Variants in CHST9 observed in about 807,000 individuals in gnomAD.
The protein encoded by CHST9 is carbohydrate sulfotransferase 9, also known as GalNAc-4-sulfotransferase 2.
In CHST9, 41 loss-of-function variants were observed where a neutral mutation model predicts 44.4. That is an observed-to-expected ratio of 0.92 (90% CI 0.72 to 1.20). The LOEUF is 1.20. CHST9 is among the 50% of genes most tolerant of loss of function. The pLI is 0.00. For synonymous variants in CHST9, 171 were observed against 178.4 expected (o/e 0.96, Z 0.33); for missense variants, 504 against 516.5 (o/e 0.98, Z 0.23).
chr18:26,928,587 C>G (rs2055819511), intron 5 of CHST9, among the ~76,000 whole-genome samples: 1 of 152,114 alleles, frequency 6.6e-6, no homozygotes, highest in Non-Finnish European at 1.5e-5. Context: ...TTCCAGGAAA[C>G]ACTGGCAGGA....
chr18:27,184,399 G>A (rs997625403), intron 1 of CHST9, among the ~76,000 whole-genome samples: 6 of 152,276 alleles, frequency 3.9e-5, no homozygotes, highest in African/African-American at 1.4e-4. Flanking sequence ...CTGATAGGCA[G>A]GATGTTCAAA....
intron 4 of CHST9, among the ~76,000 whole-genome samples, chr18:26,970,959 A>G (rs192636193): frequency 6.6e-6 from 1 of 152,116 alleles, no homozygotes; most frequent in Non-Finnish European, 1.5e-5. Context: ...TCTCAGCTCT[A>G]TTTTTGCTTG....
At position 26,998,969 on chromosome 18, in the gene CHST9, A is replaced by G. The variant is rs11877628; in HGVS notation, c.202+25147T>C. 4.4e-3 allele frequency among the ~76,000 whole-genome samples: 667 copies of G among 152,254 alleles called. 5 individuals carry two copies. Among genetic ancestry groups the G allele is most frequent in the African/African-American group, 0.015 (629 of 41,554 alleles). The stretch of plus-strand genomic sequence containing the variant: ...GATGGGTTTTTCTCTGGGTAGCAGG[A>G]GGTTCCACAATTCCCCAGCCCCATT... On this transcript the variant is annotated intron_variant, in intron 4 of 5. Coordinates refer to ENST00000618847, the MANE Select transcript of CHST9 (RefSeq NM_031422.6).
At chr18:26,958,770 G>A (rs1402523995) in intron 4 of CHST9, among the ~76,000 whole-genome samples, 1 of 152,182 alleles carries the variant, frequency 6.6e-6, no homozygotes, top group Non-Finnish European at 1.5e-5. Flanking sequence ...ACCACAATGA[G>A]ATAGCATCTC....
At chr18:27,105,197 T>C (rs996872450) in intron 2 of CHST9, among the ~76,000 whole-genome samples, 6 of 152,114 alleles carry the variant, frequency 3.9e-5, no homozygotes, top group African/African-American at 1.4e-4. Context: ...GGCCTTTCAC[T>C]TTTCTTTACT....
intron 4 of CHST9, among the ~76,000 whole-genome samples, chr18:26,950,696 T>G (rs923676009): frequency 2.0e-5 from 3 of 152,038 alleles, no homozygotes; most frequent in African/African-American, 7.3e-5. Context: ...GTAGAAATGA[T>G]GTAATGGACT....
At chr18:26,927,456 T>C (rs1013986670) in intron 5 of CHST9, among the ~76,000 whole-genome samples, 20 of 152,232 alleles carry the variant, frequency 1.3e-4, no homozygotes, top group African/African-American at 4.1e-4. Flanking sequence ...TTATTATCTC[T>C]ACCATCTCTG....
intron 4 of CHST9, among the ~76,000 whole-genome samples, chr18:26,952,995 C>A (rs1039074187): frequency 1.3e-5 from 2 of 152,172 alleles, no homozygotes; most frequent in African/African-American, 4.8e-5. Flanking sequence ...CACTGCTATA[C>A]TCCCTTTTAA....
intron 4 of CHST9, among the ~76,000 whole-genome samples, chr18:27,021,990 CTGT>C (rs1285292258): frequency 1.6e-5 from 2 of 123,334 alleles, no homozygotes; most frequent in Non-Finnish European, 3.7e-5. Context: ...CAGCTTGTCC[CTGT>C]TTTATAAACA....
intron 4 of CHST9, among the ~76,000 whole-genome samples, chr18:27,008,992 A>G (rs760146863): frequency 6.6e-6 from 1 of 150,616 alleles, no homozygotes; most frequent in Non-Finnish European, 1.5e-5. Context: ...GAGTGCTCTC[A>G]CTCTCGTCCT....
chr18:26,981,601 C>T (rs1167572914), intron 4 of CHST9, among the ~76,000 whole-genome samples: 1 of 152,198 alleles, frequency 6.6e-6, no homozygotes, highest in Non-Finnish European at 1.5e-5. Flanking sequence ...TTTTCCAACC[C>T]TCAGGGCTTG....
intron 4 of CHST9, among the ~76,000 whole-genome samples, chr18:27,019,122 T>C (rs2057189811): frequency 6.6e-6 from 1 of 152,140 alleles, no homozygotes; most frequent in Non-Finnish European, 1.5e-5. Context: ...CCTCCCTCCC[T>C]TTGCCAAATG....
chr18:27,084,002 G>A (rs2057984738), intron 2 of CHST9, among the ~76,000 whole-genome samples: 1 of 152,058 alleles, frequency 6.6e-6, no homozygotes, highest in Admixed American at 6.5e-5. Flanking sequence ...ACTTGATTGT[G>A]GTGGATTAGC....
chr18:26,938,302 T>A (rs1462548949), intron 5 of CHST9, among the ~76,000 whole-genome samples: 3 of 152,252 alleles, frequency 2.0e-5, no homozygotes, highest in Non-Finnish European at 2.9e-5. Context: ...CTTTTATAAA[T>A]TCTTCTTTGT....
Position 26,909,481 on chromosome 18 carries a change from T to C in CHST9, c.*6778A>G, listed in dbSNP as rs1289138852. ...GTCCATACACTATTTTTTTCAGAAATTGATAAGTTAAATCAGGGCTTATTT... is the reference window on the plus strand; with the variant it reads ...GTCCATACACTATTTTTTTCAGAAACTGATAAGTTAAATCAGGGCTTATTT... On this transcript the variant is annotated 3_prime_UTR_variant, in exon 6 of 6. Transcript: ENST00000618847. The C allele has an allele frequency of 1.3e-5, 2 of 152,186 alleles. No homozygotes were observed. The highest frequency in any genetic ancestry group is 2.4e-5 in the African/African-American group (1 of 41,442). 9.4% of individuals were successfully genotyped at this position (152,186 alleles called of 1,614,324 possible).
chr18:27,094,119 T>C (rs2058094635), intron 2 of CHST9, among the ~76,000 whole-genome samples: 2 of 152,286 alleles, frequency 1.3e-5, no homozygotes, highest in South Asian at 4.1e-4. Flanking sequence ...ATTTGTGTCT[T>C]TTATAAGGGA....
At chr18:27,043,310 G>C (rs2057465597) in intron 3 of CHST9, among the ~76,000 whole-genome samples, 1 of 152,038 alleles carries the variant, frequency 6.6e-6, no homozygotes, top group Non-Finnish European at 1.5e-5. Context: ...TCTCTCTGAA[G>C]TTCTAGGCTC....
In CHST9 at chr18:27,185,307, C is replaced by G. The variant is rs1020903246; in HGVS notation, c.-268G>C. The G allele has an allele frequency of 6.6e-6, 1 of 151,530 alleles. No homozygotes were observed. 9.4% of individuals were successfully genotyped at this position (151,530 alleles called of 1,614,324 possible). A position where few individuals can be genotyped will look rare whatever the true frequency, so the allele number is the denominator to read the frequency against. On this transcript the variant is annotated 5_prime_UTR_variant, in exon 1 of 6. Coordinates refer to ENST00000618847, the MANE Select transcript of CHST9 (RefSeq NM_031422.6). ...GACAGCTCGGAGTCGGGCGCTCACC[C>G]TGGCCCTGACCCTCCCGCGTCCGGC...
chr18:26,920,030 T>C (rs1356950489), intron 5 of CHST9, among the ~76,000 whole-genome samples: 2 of 152,162 alleles, frequency 1.3e-5, no homozygotes, highest in Non-Finnish European at 2.9e-5. Context: ...CCTCTTGTTG[T>C]CATCTACCTT....
Sources: allele counts gnomAD v4.1 joint callset (sites outside exome capture counted in the v4.1 genomes callset), GRCh38; gene constraint gnomAD v4.1.1; transcripts MANE v1.5; gene names NCBI Gene and HGNC (gene_info 2026-07-23, HGNC 2026-07-21).